Variants in KCND2 observed in about 807,000 individuals in gnomAD.
KCND2 encodes the protein potassium voltage-gated channel subfamily D member 2.
KCND2 carries 16 observed loss-of-function variants against 54.4 expected under a neutral mutation model. That is an observed-to-expected ratio of 0.29 (90% CI 0.20 to 0.45). The LOEUF (loss-of-function observed/expected upper bound fraction) is 0.45. Ranked by LOEUF, KCND2 falls within the 20% of genes least tolerant of loss-of-function variation. The pLI, the probability that KCND2 is intolerant of heterozygous loss-of-function variation, is 1.00. For missense variants in KCND2, 486 were observed against 824.2 expected (o/e 0.59, Z 5.02); for synonymous variants, 317 against 310.7 (o/e 1.02, Z -0.21).
At chr7:120,378,241 G>A (rs1800864347) in intron 1 of KCND2, among the ~76,000 whole-genome samples, 1 of 151,856 alleles carries the variant, frequency 6.6e-6, no homozygotes, top group African/African-American at 2.4e-5. Context: ...ATTGTCACAT[G>A]CCATGATTAA....
intron 1 of KCND2, among the ~76,000 whole-genome samples, chr7:120,443,912 C>A (rs2116200940): frequency 6.6e-6 from 1 of 152,164 alleles, no homozygotes; most frequent in Admixed American, 6.6e-5. Context: ...AAAATGCTCC[C>A]ATCAACTTCT....
intron 1 of KCND2, among the ~76,000 whole-genome samples, chr7:120,390,882 G>A (rs999149899): frequency 2.0e-5 from 3 of 151,912 alleles, no homozygotes; most frequent in Admixed American, 6.6e-5. Flanking sequence ...CAAACAGAAA[G>A]TTTTTTTATT....
intron 1 of KCND2, among the ~76,000 whole-genome samples, chr7:120,683,229 G>GT (rs986497771): frequency 2.0e-5 from 3 of 152,062 alleles, no homozygotes; most frequent in Admixed American, 6.6e-5. Flanking sequence ...AAATCCTATG[G>GT]TTTTTTTATT....
chr7:120,380,737 C>T (rs768606694), intron 1 of KCND2, among the ~76,000 whole-genome samples: 47 of 151,920 alleles, frequency 3.1e-4, no homozygotes, highest in Non-Finnish European at 4.7e-4. Context: ...AAATCATTGA[C>T]CATATCGTAA....
At chr7:120,507,939 G>C (rs1803053182) in intron 1 of KCND2, among the ~76,000 whole-genome samples, 1 of 151,598 alleles carries the variant, frequency 6.6e-6, no homozygotes, top group South Asian at 2.1e-4. Context: ...ATATTTGAAA[G>C]TTTATTCTGA....
chr7:120,459,277 C>A (rs1157356305), intron 1 of KCND2, among the ~76,000 whole-genome samples: 1 of 152,116 alleles, frequency 6.6e-6, no homozygotes, highest in African/African-American at 2.4e-5. Context: ...TGCGCTTGTT[C>A]TTGGCTCTTA....
chr7:120,557,751 A>G (rs996716506), intron 1 of KCND2, among the ~76,000 whole-genome samples: 25 of 152,086 alleles, frequency 1.6e-4, no homozygotes, highest in African/African-American at 6.0e-4. Context: ...TTTGTTTTCT[A>G]TTGTTCCTGA....
intron 1 of KCND2, among the ~76,000 whole-genome samples, chr7:120,658,706 G>A (rs1171356485): frequency 1.3e-5 from 2 of 152,176 alleles, no homozygotes; most frequent in East Asian, 3.8e-4. Context: ...CACTTGACCA[G>A]CAACTAGCCC....
At chr7:120,427,007 G>T (rs1235241267) in intron 1 of KCND2, among the ~76,000 whole-genome samples, 1 of 152,158 alleles carries the variant, frequency 6.6e-6, no homozygotes, top group African/African-American at 2.4e-5. Flanking sequence ...TGTCTTCATT[G>T]TCAAATGCAC....
intron 1 of KCND2, among the ~76,000 whole-genome samples, chr7:120,312,766 A>G (rs974084358): frequency 6.6e-6 from 1 of 152,192 alleles, no homozygotes; most frequent in African/African-American, 2.4e-5. Context: ...ACTCAGATAC[A>G]TAGATATTGG....
At chr7:120,532,451 A>T (rs142462705) in intron 1 of KCND2, among the ~76,000 whole-genome samples, 4,201 of 151,990 alleles carry the variant, frequency 0.028, 87 homozygotes, top group Non-Finnish European at 0.046. Context: ...GAAAGTTGTT[A>T]TAATACCCTG....
intron 1 of KCND2, among the ~76,000 whole-genome samples, chr7:120,386,870 T>C (rs1224054430): frequency 6.6e-6 from 1 of 152,126 alleles, no homozygotes; most frequent in Non-Finnish European, 1.5e-5. Context: ...TTAACAGGTA[T>C]CAACATTCCA....
intron 1 of KCND2, among the ~76,000 whole-genome samples, chr7:120,704,085 A>G (rs2116042016): frequency 6.6e-6 from 1 of 152,336 alleles, no homozygotes; most frequent in South Asian, 2.1e-4. Context: ...TCACATAATA[A>G]TGACTATTGG....
chr7:120,446,407 A>G (rs1421473670), intron 1 of KCND2, among the ~76,000 whole-genome samples: 1 of 152,166 alleles, frequency 6.6e-6, no homozygotes, highest in Non-Finnish European at 1.5e-5. Flanking sequence ...TCAACAACCA[A>G]TCCAGTGTTT....
At chr7:120,414,341 C>T (rs558680500) in intron 1 of KCND2, among the ~76,000 whole-genome samples, 2 of 152,144 alleles carry the variant, frequency 1.3e-5, no homozygotes, top group African/African-American at 4.8e-5. Flanking sequence ...AATTTTCAGT[C>T]AACTGTCAAA....
intron 1 of KCND2, among the ~76,000 whole-genome samples, chr7:120,621,276 C>CAAAAAAAAA (rs1175736454): frequency 5.5e-4 from 26 of 47,202 alleles, no homozygotes; most frequent in East Asian, 2.5e-3. Context: ...GACTCCGTCT[C>CAAAAAAAAA]AAAAAAAAAA....
chr7:120,275,819 A>G, intron 1 of KCND2, 72 bp downstream of exon 1: 1 of 1,487,522 alleles, frequency 6.7e-7, no homozygotes. Context: ...TCGAGGTTAC[A>G]TGGTAACTCC....
intron 1 of KCND2, among the ~76,000 whole-genome samples, chr7:120,689,212 C>T (rs891649772): frequency 2.6e-5 from 4 of 151,818 alleles, no homozygotes; most frequent in South Asian, 4.2e-4. Context: ...TTTCTGGACA[C>T]GAAAAATGCA....
intron 1 of KCND2, among the ~76,000 whole-genome samples, chr7:120,320,265 A>T (rs2116328847): frequency 6.6e-6 from 1 of 152,272 alleles, no homozygotes; most frequent in East Asian, 1.9e-4. Flanking sequence ...AAATTATTAT[A>T]TCTGCAAAGG....
Sources: gnomAD v4.1 joint callset for allele counts (sites outside exome capture counted in the v4.1 genomes callset) on GRCh38, gnomAD v4.1.1 for gene constraint, MANE v1.5 for transcripts, NCBI Gene and HGNC (gene_info 2026-07-23, HGNC 2026-07-21) for gene names.